The following CLASP2 variants were observed in gnomAD, a reference collection of about 807,000 sequenced individuals.
CLASP2 encodes CLIP-associating protein 2.
Under a neutral mutation model 194.4 loss-of-function variants are expected in CLASP2, and 47 were observed. The observed-to-expected ratio is 0.24, with a 90% CI of 0.19 to 0.31. The LOEUF is 0.31. CLASP2 is among the 10% of genes least tolerant of loss of function. The pLI is 1.00. For missense variants in CLASP2, 1,445 were observed against 1,823.6 expected, an observed-to-expected ratio of 0.79 and a Z score of 3.78; for synonymous variants, 619 against 633.5, an observed-to-expected ratio of 0.98 and a Z score of 0.34.
At chr3:33,715,304 T>C (rs566841904) in intron 1 of CLASP2, among the ~76,000 whole-genome samples, 52 of 152,372 alleles carry the variant, frequency 3.4e-4, no homozygotes, top group Non-Finnish European at 3.5e-4. Context: ...CTTTCCCATC[T>C]TCTGTTAAGT....
chr3:33,606,758 C>A lies in CLASP2; in HGVS notation c.1527G>T (p.Lys509Asn). Residue 509 changes from lysine (K) to asparagine (N), a missense_variant and splice_region_variant, in exon 16 of 39, where the codon AAG (lysine) becomes AAT (asparagine). By Grantham distance (94) the Lys-to-Asn change is moderately conservative. Around this residue, in one of 4 missense-constraint regions of CLASP2, gnomAD observed 207 missense variants for 331.4 expected, o/e 0.62. Transcript: ENST00000682230. ...ADAEARVEAR[K>N]TYMGLRNHFP... ...AGTGGTTTCTAAGACCCATGTATGT[C>A]CTGTTAAAAAAAAAGAAAAGCAGAT... 1.3e-6 allele frequency: 2 copies of A among 1,591,392 alleles called. No individual in the cohort carries two copies. The highest frequency in any genetic ancestry group is 8.5e-7 in the Non-Finnish European group (1 of 1,171,218).
Position 33,588,858 on chromosome 3 carries a change from C to G in CLASP2, c.2068+3537G>C. 4.9e-6 allele frequency: 3 copies of G among 610,736 alleles called. No individual in the cohort carries two copies. The South Asian group carries it at 5.9e-5, about 12-fold the overall frequency. 37.8% of individuals were successfully genotyped at this position (610,736 alleles called of 1,614,324 possible). A position where few individuals can be genotyped will look rare whatever the true frequency, so the allele number is the denominator to read the frequency against. ...TCAGTTCTCAGAAAATTAAAAAACCCTAAGGCAAAAAAAGCAAACTTTAAA... is the reference window on the plus strand; with the variant it reads ...TCAGTTCTCAGAAAATTAAAAAACCGTAAGGCAAAAAAAGCAAACTTTAAA... On this transcript the variant is annotated intron_variant, in intron 21 of 38. Coordinates refer to ENST00000682230, the MANE Select transcript of CLASP2 (RefSeq NM_001365631.1).
intron 21 of CLASP2, 196 bp downstream of exon 21, chr3:33,592,199 A>G: frequency 1.4e-6 from 1 of 705,834 alleles, no homozygotes; most frequent in Non-Finnish European, 2.6e-6. Context: ...GATCCAAAAC[A>G]TTGAAAAAAA....
chr3:33,532,625 T>C (rs1162275328), intron 34 of CLASP2, among the ~76,000 whole-genome samples: 1 of 152,216 alleles, frequency 6.6e-6, no homozygotes, highest in Non-Finnish European at 1.5e-5. Flanking sequence ...TGGTTATTAA[T>C]GTACCAATGA....
chr3:33,552,523 A>T (rs1403118169), intron 29 of CLASP2, among the ~76,000 whole-genome samples: 2 of 152,202 alleles, frequency 1.3e-5, no homozygotes, highest in Non-Finnish European at 2.9e-5. Context: ...TGCCTCATAT[A>T]CTTATTTTTT....
chr3:33,545,085 A>G, intron 30 of CLASP2: 1 of 292,296 alleles, frequency 3.4e-6, no homozygotes, highest in Non-Finnish European at 6.2e-6. Flanking sequence ...CTAACAGACA[A>G]TGGAAAAGTT....
chr3:33,686,431 C>T (rs1438833163), intron 5 of CLASP2, among the ~76,000 whole-genome samples: 1 of 152,108 alleles, frequency 6.6e-6, no homozygotes, highest in Non-Finnish European at 1.5e-5. Context: ...ATTAGATTCT[C>T]ATAGAAGCAC....
chr3:33,515,749 C>CT (rs772943691), intron 36 of CLASP2, among the ~76,000 whole-genome samples: 7 of 152,062 alleles, frequency 4.6e-5, no homozygotes, highest in Admixed American at 2.0e-4. Context: ...AATAAGATTG[C>CT]TAAACTCTAA....
At chr3:33,522,140 C>A (rs183426556) in intron 34 of CLASP2, among the ~76,000 whole-genome samples, 4 of 152,278 alleles carry the variant, frequency 2.6e-5, no homozygotes, top group Admixed American at 2.6e-4. Context: ...CTATTGCAAG[C>A]CCTTCCCCCT....
intron 12 of CLASP2, among the ~76,000 whole-genome samples, chr3:33,612,507 G>A (rs1469621773): frequency 1.3e-5 from 2 of 152,042 alleles, no homozygotes; most frequent in East Asian, 3.9e-4. Context: ...TTGAAATGGT[G>A]GTCTTAATAG....
At chr3:33,629,471 T>G (rs992765928) in intron 9 of CLASP2, among the ~76,000 whole-genome samples, 2 of 152,104 alleles carry the variant, frequency 1.3e-5, no homozygotes, top group African/African-American at 4.8e-5. Context: ...TGGTGACTAC[T>G]TATTTACTAA....
chr3:33,711,942 A>G (rs2154358096), intron 1 of CLASP2, among the ~76,000 whole-genome samples: 1 of 152,272 alleles, frequency 6.6e-6, no homozygotes, highest in East Asian at 1.9e-4. Flanking sequence ...CCACTCTGAA[A>G]AACAGTATGG....
chr3:33,542,364 T>C (rs983812192), intron 32 of CLASP2, among the ~76,000 whole-genome samples: 2 of 148,432 alleles, frequency 1.3e-5, no homozygotes, highest in Admixed American at 1.4e-4. Context: ...ATTACATATA[T>C]ATGTAATGAA....
intron 36 of CLASP2, among the ~76,000 whole-genome samples, chr3:33,513,383 T>C (rs2050459013): frequency 6.6e-6 from 1 of 151,778 alleles, no homozygotes. Context: ...CACACAAAAA[T>C]TAGCTGGGCA....
chr3:33,619,076 A>G lies in CLASP2; in HGVS notation c.1317+527T>C, dbSNP rs184820018. Among the ~76,000 whole-genome samples, 538 of 152,338 alleles carry G rather than the reference A, an allele frequency of 3.5e-3. 3 individuals carry two copies. Among genetic ancestry groups the G allele is most frequent in the Admixed American group, 4.7e-3 (72 of 15,308 alleles). On this transcript the variant is annotated intron_variant, in intron 12 of 38. Coordinates refer to ENST00000682230, the MANE Select transcript of CLASP2 (RefSeq NM_001365631.1). ...GAATTACTGTACTGAATACTGTACT[A>G]AATATTACCGTACTGAACACTCTAG... is the stretch of plus-strand genomic sequence containing the variant.
intron 36 of CLASP2, among the ~76,000 whole-genome samples, chr3:33,513,302 G>C (rs1263970990): frequency 6.6e-6 from 1 of 152,172 alleles, no homozygotes; most frequent in Non-Finnish European, 1.5e-5. Flanking sequence ...ACTCTGGGAG[G>C]CCAAGCCAGG....
chr3:33,572,558 TA>T (rs2063986876), intron 25 of CLASP2, among the ~76,000 whole-genome samples: 1 of 151,642 alleles, frequency 6.6e-6, no homozygotes, highest in African/African-American at 2.4e-5. Flanking sequence ...ACAAGGACAA[TA>T]AGGCAAGTAG....
At chr3:33,643,032 A>T (rs889245675) in intron 8 of CLASP2, among the ~76,000 whole-genome samples, 1 of 151,934 alleles carries the variant, frequency 6.6e-6, no homozygotes, top group African/African-American at 2.4e-5. Context: ...AAAGCTACTT[A>T]ACCTTTTCAT....
rs1357892422 is a variant in CLASP2 at position 33,573,132 on chromosome 3, A to G, written c.2677T>C (p.Leu893=). ...CACCTTAGTGTTCTCTGATTTTTTAATAAGTTCTGCAGACCTAGGAGGCCT... is the reference window on the plus strand; with the variant it reads ...CACCTTAGTGTTCTCTGATTTTTTAGTAAGTTCTGCAGACCTAGGAGGCCT... The part of the protein sequence containing the change: ...KEGLLGLQNL[L]KNQRTLSRVE... Residue 893 remains leucine (L), a synonymous_variant, in exon 25 of 39, where the codon TTA becomes CTA. Transcript: ENST00000682230. The G allele has an allele frequency of 2.0e-5, 33 of 1,613,578 alleles. No homozygotes were observed. The highest frequency in any genetic ancestry group is 2.5e-5 in the Non-Finnish European group (29 of 1,179,720).
Sources: allele counts gnomAD v4.1 joint callset (sites outside exome capture counted in the v4.1 genomes callset), GRCh38; gene constraint gnomAD v4.1.1; regional missense constraint gnomAD v4.1.1; transcripts MANE v1.5; gene names NCBI Gene and HGNC (gene_info 2026-07-23, HGNC 2026-07-21).